The following CNOT10 variants were observed in gnomAD, a reference collection of about 807,000 sequenced individuals.
CNOT10 encodes the protein CCR4-NOT transcription complex, subunit 10.
Under a neutral mutation model 94.6 loss-of-function variants are expected in CNOT10, and 30 were observed. The ratio of observed to expected loss-of-function variants is 0.32; its 90% CI spans 0.24 to 0.43. The LOEUF is 0.43. Ranked by LOEUF, CNOT10 falls within the 20% of genes least tolerant of loss-of-function variation. The probability of loss-of-function intolerance (pLI) is 1.00; values close to 1 mark genes in which losing one functional copy is unlikely to be tolerated. For synonymous variants in CNOT10, 289 were observed against 301.6 expected (o/e 0.96, Z 0.43); for missense variants, 759 against 877.2 (o/e 0.87, Z 1.70).
At chr3:32,747,898 A>C (rs897081266) in intron 13 of CNOT10, among the ~76,000 whole-genome samples, 1 of 151,748 alleles carries the variant, frequency 6.6e-6, no homozygotes, top group African/African-American at 2.4e-5. Flanking sequence ...CAGTGAACCG[A>C]GATTGTGCCA....
intron 16 of CNOT10, 37 bp from the exon 17 acceptor site, chr3:32,764,645 C>A: frequency 1.2e-6 from 2 of 1,609,504 alleles, no homozygotes; most frequent in Non-Finnish European, 1.7e-6. Flanking sequence ...GCTGTTGGCA[C>A]GGCCTCTTCA....
chr3:32,764,733 C>A lies in CNOT10; in HGVS notation c.1928C>A (p.Thr643Asn). Residue 643 changes from threonine (T) to asparagine (N), a missense_variant, in exon 17 of 19, where the codon ACT becomes AAT. By Grantham distance (65) the Thr-to-Asn change is moderately conservative. Around this residue, in one of 3 missense-constraint regions of CNOT10, gnomAD observed 682 missense variants for 799.4 expected, o/e 0.85. Coordinates refer to ENST00000328834, the MANE Select transcript of CNOT10 (RefSeq NM_015442.3). Reference protein sequence around the residue: ...CYPSSVNSARTVMLFNLGSAY... With the variant: ...CYPSSVNSARNVMLFNLGSAY... ...CCCAGTTCCGTCAACTCTGCCAGGA[C>A]TGTGATGCTGTTCAACCTTGGCAGC... 1 of 1,614,180 alleles carries A rather than the reference C, an allele frequency of 6.2e-7. No individual in the cohort carries two copies. The highest frequency in any genetic ancestry group is 1.1e-5 in the South Asian group (1 of 91,084).
chr3:32,712,248 C>A (rs1294668260), intron 4 of CNOT10, among the ~76,000 whole-genome samples: 3 of 151,470 alleles, frequency 2.0e-5, no homozygotes, highest in Non-Finnish European at 4.4e-5. Context: ...AGGAACCTCA[C>A]AAGATCCCCT....
chr3:32,721,153 TCC>T (rs910994295), intron 8 of CNOT10, among the ~76,000 whole-genome samples: 1 of 134,530 alleles, frequency 7.4e-6, no homozygotes, highest in African/African-American at 2.7e-5. Context: ...TCCACCTCCC[TCC>T]CGGGTTCAAG....
chr3:32,756,883 C>G (rs1700244676), intron 13 of CNOT10, among the ~76,000 whole-genome samples: 1 of 151,634 alleles, frequency 6.6e-6, no homozygotes, highest in African/African-American at 2.4e-5. Flanking sequence ...CCGAGGCGGG[C>G]AGATCACAAG....
At chr3:32,728,350 A>G (rs1227942420) in intron 10 of CNOT10, among the ~76,000 whole-genome samples, 5 of 152,146 alleles carry the variant, frequency 3.3e-5, no homozygotes, top group Admixed American at 6.5e-5. Context: ...GCCGTGCGCA[A>G]TGGCTCACGC....
intron 18 of CNOT10, among the ~76,000 whole-genome samples, chr3:32,770,219 G>T (rs1216474473): frequency 6.6e-6 from 1 of 151,624 alleles, no homozygotes; most frequent in Non-Finnish European, 1.5e-5. Context: ...TGTTGCCCAG[G>T]CTGCTCTCAA....
intron 12 of CNOT10, 106 bp from the exon 13 acceptor site, chr3:32,737,304 A>G: frequency 1.4e-6 from 1 of 697,800 alleles, no homozygotes; most frequent in Non-Finnish European, 2.5e-6. Flanking sequence ...GACGAGCAAA[A>G]CTCTGTCTCA....
chr3:32,699,273 AATC>A (rs111416255), intron 1 of CNOT10, among the ~76,000 whole-genome samples: 14 of 152,312 alleles, frequency 9.2e-5, no homozygotes, highest in African/African-American at 3.4e-4. Flanking sequence ...AGCAGTTTGC[AATC>A]TGTTTCTTTT....
chr3:32,719,590 T>C (rs1356449373), intron 7 of CNOT10, among the ~76,000 whole-genome samples: 1 of 152,230 alleles, frequency 6.6e-6, no homozygotes, highest in African/African-American at 2.4e-5. Context: ...ACGTGATCTT[T>C]GGAACAGCAA....
intron 13 of CNOT10, among the ~76,000 whole-genome samples, chr3:32,757,784 C>T (rs1411758420): frequency 6.6e-6 from 1 of 152,164 alleles, no homozygotes; most frequent in Non-Finnish European, 1.5e-5. Flanking sequence ...GACAACCTTG[C>T]TGGTAAAGCC....
At chr3:32,753,936 A>ACACACACACACACAC in intron 13 of CNOT10, 1 of 1,039,608 alleles carries the variant, frequency 9.6e-7, no homozygotes, top group South Asian at 1.5e-5. Context: ...ACACACACAC[A>ACACACACACACACAC]AAATATAAAA....
intron 8 of CNOT10, among the ~76,000 whole-genome samples, chr3:32,724,012 C>T (rs1286984388): frequency 2.0e-5 from 3 of 152,002 alleles, no homozygotes; most frequent in African/African-American, 4.8e-5. Flanking sequence ...CCCAGGAGGT[C>T]GATGCTGCAG....
Position 32,721,060 on chromosome 3 carries a change from C to CGT in CNOT10, c.862+829_862+830insGT, listed in dbSNP as rs779437501. Among the ~76,000 whole-genome samples the CGT allele has an allele frequency of 4.2e-4, 41 of 97,708 alleles. 1 individual carries two copies. Among genetic ancestry groups the CGT allele is most frequent in the South Asian group, 8.2e-4 (2 of 2,444 alleles). 64.1% of individuals were successfully genotyped at this position (97,708 alleles called of 152,430 possible). Reference sequence around the variant, plus strand: ...TTCCTTCCCTTCCTTTCTTTCCTTTCTTTTTTTTTTTTTTTTTTTGACAGA... The same window carrying CGT: ...TTCCTTCCCTTCCTTTCTTTCCTTTCGTTTTTTTTTTTTTTTTTTTTGACAGA... On this transcript the variant is annotated intron_variant, in intron 8 of 18. Transcript: ENST00000328834.
At chr3:32,724,088 A>G (rs993088338) in intron 8 of CNOT10, among the ~76,000 whole-genome samples, 1 of 152,150 alleles carries the variant, frequency 6.6e-6, no homozygotes, top group Non-Finnish European at 1.5e-5. Flanking sequence ...TCAGAGAAAG[A>G]AAAAAATTAA....
At chr3:32,732,914 G>A (rs1699022826) in intron 10 of CNOT10, among the ~76,000 whole-genome samples, 1 of 152,092 alleles carries the variant, frequency 6.6e-6, no homozygotes, top group Admixed American at 6.6e-5. Context: ...TTTCCTAGAA[G>A]GCAAGTATTG....
intron 1 of CNOT10, among the ~76,000 whole-genome samples, chr3:32,700,450 C>G (rs1228741575): frequency 6.6e-6 from 1 of 152,164 alleles, no homozygotes; most frequent in Non-Finnish European, 1.5e-5. Flanking sequence ...AGTCTTATTT[C>G]AATTCTAAAA....
At chr3:32,709,698 G>A (rs1697784426) in intron 4 of CNOT10, among the ~76,000 whole-genome samples, 1 of 140,586 alleles carries the variant, frequency 7.1e-6, no homozygotes, top group Admixed American at 7.1e-5. Context: ...AGAGACACCA[G>A]TGGTAAGGGA....
rs1374360409 is a variant in CNOT10 at position 32,734,898 on chromosome 3, C to T, written c.1436C>T (p.Pro479Leu). The change falls in exon 12 of 19, where the codon CCA becomes CTA. Residue 479 changes from proline (P) to leucine (L), a missense_variant. This residue lies in a region of CNOT10 where 682 missense variants were observed against 799.4 expected (regional missense o/e 0.85). Coordinates refer to ENST00000328834, the MANE Select transcript of CNOT10 (RefSeq NM_015442.3). Reference protein sequence around the residue: ...LLLLPEEQQDPKQENGAKNSN... With the variant: ...LLLLPEEQQDLKQENGAKNSN... The stretch of plus-strand genomic sequence containing the variant: ...CTGCTACCTGAAGAACAGCAAGATC[C>T]AAAGCAGGAAAATGGGGCTAAAAAT... 1.2e-6 allele frequency: 2 copies of T among 1,613,966 alleles called. No individual in the cohort carries two copies. The highest frequency in any genetic ancestry group is 2.7e-5 in the African/African-American group (2 of 74,992).
Sources: allele counts gnomAD v4.1 joint callset (sites outside exome capture counted in the v4.1 genomes callset), GRCh38; gene constraint gnomAD v4.1.1; regional missense constraint gnomAD v4.1.1; transcripts MANE v1.5; gene names NCBI Gene and HGNC (gene_info 2026-07-23, HGNC 2026-07-21).